MYO5A: variants seen among roughly 807,000 people sequenced by gnomAD.
The protein encoded by MYO5A is unconventional myosin-Va.
Under a neutral mutation model 249.7 loss-of-function variants are expected in MYO5A, and 98 were observed. That is an observed-to-expected ratio of 0.39 (90% CI 0.33 to 0.46). The LOEUF is 0.46. Ranked by LOEUF, MYO5A falls within the 20% of genes least tolerant of loss-of-function variation. The pLI is 0.98. For missense variants in MYO5A, 1,696 were observed against 2,308.8 expected (o/e 0.73, Z 5.44); for synonymous variants, 778 against 810.6 (o/e 0.96, Z 0.68).
Position 52,404,223 on chromosome 15 carries a change from T to C in MYO5A, c.1053+1064A>G, listed in dbSNP as rs535764504. 2.1e-5 allele frequency among the ~76,000 whole-genome samples: 3 copies of C among 140,616 alleles called. No individual in the cohort carries two copies. In the East Asian group the frequency reaches 6.3e-4, roughly 30 times the overall value. The allele number at this position is 140,616 out of a possible 152,430, so 92.2% of individuals were successfully genotyped here. A position where few individuals can be genotyped will look rare whatever the true frequency, so the allele number is the denominator to read the frequency against. The stretch of plus-strand genomic sequence containing the variant: ...GAGGTTGCAGTGAGCCGAGATTGCA[T>C]GCCTTTGCACTCCAGCCTGGGCGAC... On this transcript the variant is annotated intron_variant, in intron 9 of 41. Coordinates refer to ENST00000399233, the MANE Select transcript of MYO5A (RefSeq NM_001382347.1).
intron 16 of MYO5A, among the ~76,000 whole-genome samples, chr15:52,382,518 C>A (rs926370694): frequency 6.6e-6 from 1 of 152,140 alleles, no homozygotes; most frequent in Admixed American, 6.5e-5. Context: ...TTGCGGTAAG[C>A]CGAGATCGCG....
chr15:52,381,185 G>A (rs971348871), intron 16 of MYO5A, among the ~76,000 whole-genome samples: 2 of 152,084 alleles, frequency 1.3e-5, no homozygotes, highest in African/African-American at 4.8e-5. Flanking sequence ...CTTCTCAGGT[G>A]TCTGTTGGTG....
At chr15:52,521,655 A>AT (rs2077624104) in intron 1 of MYO5A, among the ~76,000 whole-genome samples, 1 of 152,228 alleles carries the variant, frequency 6.6e-6, no homozygotes, top group African/African-American at 2.4e-5. Context: ...AAAAATAATT[A>AT]CATCATCCCT....
chr15:52,388,175 G>A (rs1196871525), intron 13 of MYO5A, among the ~76,000 whole-genome samples: 1 of 152,170 alleles, frequency 6.6e-6, no homozygotes, highest in Non-Finnish European at 1.5e-5. Flanking sequence ...TAGTGGGTGA[G>A]CAGATTAGAT....
Position 52,354,006 on chromosome 15 carries a change from A to T in MYO5A, c.3432T>A (p.Ser1144Arg). The stretch of plus-strand genomic sequence containing the variant: ...ACATGTCCAGAGGTACCTTCTTCTC[A>T]CTTGGTTCCTAAACCCCAGGAATCA... ...EDIPSRTEEP[S>R]EKKVPLDMSL... Residue 1144 changes from serine to arginine, a missense_variant, in exon 26 of 42, where the codon AGT (serine) becomes AGA (arginine). Around this residue, in one of 5 missense-constraint regions of MYO5A, gnomAD observed 625 missense variants for 908.1 expected, o/e 0.69. Coordinates refer to ENST00000399233, the MANE Select transcript of MYO5A (RefSeq NM_001382347.1). 1 of 1,614,200 alleles carries T rather than the reference A, an allele frequency of 6.2e-7. No individual in the cohort carries two copies. Among genetic ancestry groups the T allele is most frequent in the Non-Finnish European group, 8.5e-7 (1 of 1,180,024 alleles).
intron 41 of MYO5A, 137 bp downstream of exon 41, chr15:52,313,986 C>G: frequency 7.6e-7 from 1 of 1,322,882 alleles, no homozygotes; most frequent in Non-Finnish European, 1.1e-6. Flanking sequence ...TTCATTTTCC[C>G]AATTAACTAT....
chr15:52,454,705 A>G (rs2076084944), intron 1 of MYO5A, among the ~76,000 whole-genome samples: 1 of 152,150 alleles, frequency 6.6e-6, no homozygotes, highest in Non-Finnish European at 1.5e-5. Flanking sequence ...AAATTAAACA[A>G]CATGCTCCTG....
chr15:52,344,769 G>A (rs1158055221), intron 30 of MYO5A, among the ~76,000 whole-genome samples: 2 of 152,182 alleles, frequency 1.3e-5, no homozygotes, highest in Non-Finnish European at 1.5e-5. Flanking sequence ...AACCCTCTCA[G>A]CTGTCTCCCC....
chr15:52,402,708 A>C (rs1242673799), intron 9 of MYO5A, among the ~76,000 whole-genome samples: 1 of 152,006 alleles, frequency 6.6e-6, no homozygotes, highest in African/African-American at 2.4e-5. Flanking sequence ...AGCCAGACAC[A>C]GTGGCACACA....
At chr15:52,374,029 C>CA (rs2041271753) in intron 20 of MYO5A, among the ~76,000 whole-genome samples, 1 of 152,010 alleles carries the variant, frequency 6.6e-6, no homozygotes, top group African/African-American at 2.4e-5. Context: ...CTTAGAGACC[C>CA]AAATCACCCC....
intron 1 of MYO5A, among the ~76,000 whole-genome samples, chr15:52,473,013 T>C (rs1290763610): frequency 6.6e-6 from 1 of 152,238 alleles, no homozygotes; most frequent in Non-Finnish European, 1.5e-5. Context: ...CCACCAGCAG[T>C]GTAAAAGTGT....
intron 12 of MYO5A, among the ~76,000 whole-genome samples, chr15:52,391,463 A>C (rs1427180819): frequency 6.6e-6 from 1 of 152,180 alleles, no homozygotes; most frequent in Non-Finnish European, 1.5e-5. Flanking sequence ...AAAGCTGGGG[A>C]TCTAATGCTT....
intron 5 of MYO5A, among the ~76,000 whole-genome samples, chr15:52,411,005 T>C (rs977045308): frequency 6.6e-6 from 1 of 152,230 alleles, no homozygotes; most frequent in Non-Finnish European, 1.5e-5. Context: ...CAAAAATGAT[T>C]TTCAGAAACA....
At chr15:52,400,159 T>A (rs767965710) in intron 9 of MYO5A, among the ~76,000 whole-genome samples, 5 of 152,228 alleles carry the variant, frequency 3.3e-5, no homozygotes, top group Non-Finnish European at 5.9e-5. Context: ...TTTCTTGCTA[T>A]ATTTTGATTT....
At chr15:52,523,938 G>C (rs1476135788) in intron 1 of MYO5A, among the ~76,000 whole-genome samples, 1 of 133,450 alleles carries the variant, frequency 7.5e-6, no homozygotes, top group Non-Finnish European at 1.7e-5. Flanking sequence ...GAAAATATTA[G>C]AATTTCCAAG....
At chr15:52,387,794 A>G in intron 14 of MYO5A, 35 bp downstream of exon 14, 1 of 1,423,794 alleles carries the variant, frequency 7.0e-7, no homozygotes, top group Non-Finnish European at 9.9e-7. Flanking sequence ...TGCTTTGCAT[A>G]CATCCTGGAT....
chr15:52,441,781 C>T lies in MYO5A; in HGVS notation c.28-8496G>A, dbSNP rs1315663021. Among the ~76,000 whole-genome samples the T allele has an allele frequency of 2.6e-5, 4 of 152,168 alleles. No individual in the cohort carries two copies. In the East Asian group the frequency reaches 5.8e-4, roughly 22 times the overall value. ...GAATCCTTATCCCACTAAATGATGACTTTGGGTGCCTATCTTTAAAGACTG... is the reference window on the plus strand; with the variant it reads ...GAATCCTTATCCCACTAAATGATGATTTTGGGTGCCTATCTTTAAAGACTG... On this transcript the variant is annotated intron_variant, in intron 1 of 41. Transcript: ENST00000399233.
In MYO5A at chr15:52,356,800, C is replaced by CT. The variant is rs11316458; in HGVS notation, c.3424-2787dup. Among the ~76,000 whole-genome samples, 86 of 105,772 alleles carry CT rather than the reference C, an allele frequency of 8.1e-4. 5 individuals are homozygous for CT. Among genetic ancestry groups the CT allele is most frequent in the African/African-American group, 1.7e-3 (31 of 17,772 alleles). 69.4% of individuals were successfully genotyped at this position (105,772 alleles called of 152,430 possible). On this transcript the variant is annotated intron_variant, in intron 25 of 41. Coordinates refer to ENST00000399233, the MANE Select transcript of MYO5A (RefSeq NM_001382347.1). ...GTTGATTTAATTTGCATTTCTTTGACTTTTTTTTTTTTTTTTTTATTTTCA... is the reference window on the plus strand; with the variant it reads ...GTTGATTTAATTTGCATTTCTTTGACTTTTTTTTTTTTTTTTTTTATTTTCA...
At chr15:52,381,409 C>T (rs1207276972) in intron 16 of MYO5A, among the ~76,000 whole-genome samples, 2 of 151,990 alleles carry the variant, frequency 1.3e-5, no homozygotes, top group Non-Finnish European at 2.9e-5. Flanking sequence ...GGGAAAAGGG[C>T]ACTCATACAC....
Sources: allele counts gnomAD v4.1 joint callset (sites outside exome capture counted in the v4.1 genomes callset), GRCh38; gene constraint gnomAD v4.1.1; regional missense constraint gnomAD v4.1.1; transcripts MANE v1.5; gene names NCBI Gene and HGNC (gene_info 2026-07-23, HGNC 2026-07-21).